The following DISC1 variants were observed in gnomAD, a reference collection of about 807,000 sequenced individuals.
DISC1 encodes the protein DISC1 scaffold protein.
DISC1 carries 57 observed loss-of-function variants against 84.5 expected under a neutral mutation model. The ratio of observed to expected loss-of-function variants is 0.67; its 90% confidence interval spans 0.55 to 0.84. DISC1 has a LOEUF of 0.84. Among genes scored for constraint, DISC1 ranks in the 40% least tolerant of loss-of-function variants. DISC1 has a pLI of 0.00. For missense variants in DISC1, 1,000 were observed against 1,057.8 expected (o/e 0.95, Z 0.76); for synonymous variants, 411 against 415.2 (o/e 0.99, Z 0.12).
chr1:231,724,595 C>T (rs12742252), intron 3 of DISC1, among the ~76,000 whole-genome samples: 1 of 152,174 alleles, frequency 6.6e-6, no homozygotes, highest in African/African-American at 2.4e-5. Context: ...TCTCTCTTTT[C>T]TTCTTCCTTC....
In DISC1 at chr1:232,008,783, A is replaced by G. The variant is rs1335215007; in HGVS notation, c.2043-2A>G. 7.7e-6 allele frequency: 12 copies of G among 1,549,558 alleles called. No homozygotes were observed. Among genetic ancestry groups the G allele is most frequent in the African/African-American group, 6.9e-5 (5 of 72,776 alleles). ...TATGCCTTTGTTTCCTCTCTGTCTC[A>G]GCTGCAAGTGTCCACTGCTTGGGAA... On this transcript the variant is annotated splice_acceptor_variant, in intron 10 of 12. Transcript: ENST00000439617. LOFTEE classifies it high-confidence loss of function.
chr1:231,855,723 G>C (rs1389642155), intron 9 of DISC1, among the ~76,000 whole-genome samples: 2 of 152,098 alleles, frequency 1.3e-5, no homozygotes, highest in African/African-American at 4.8e-5. Context: ...GGGAAGTGAC[G>C]TTTCCCCTTC....
At chr1:231,647,467 C>G (rs952907202) in intron 1 of DISC1, among the ~76,000 whole-genome samples, 1 of 152,142 alleles carries the variant, frequency 6.6e-6, no homozygotes, top group Non-Finnish European at 1.5e-5. Context: ...GTTACTGTAG[C>G]CTTGTAGTAT....
In DISC1 at chr1:231,694,369, G is replaced by T; in HGVS notation, c.611G>T (p.Ser204Ile). 6.2e-7 allele frequency: 1 copy of T among 1,614,244 alleles called. No homozygotes were observed. The highest frequency in any genetic ancestry group is 1.1e-5 in the South Asian group (1 of 91,086). ...EVPPTPPGSHSAFTSSFSFIR... is the reference protein window; with the variant it reads ...EVPPTPPGSHIAFTSSFSFIR... ...CCCCCAACCCCTCCTGGCTCTCACAGTGCCTTTACCTCAAGCTTTAGCTTT... is the reference window on the plus strand; with the variant it reads ...CCCCCAACCCCTCCTGGCTCTCACATTGCCTTTACCTCAAGCTTTAGCTTT... The change falls in exon 2 of 13, where the codon AGT (serine) becomes ATT (isoleucine). Residue 204 changes from serine to isoleucine, a missense_variant. By Grantham distance (142) the Ser-to-Ile change is moderately radical (BLOSUM62 -2). This residue lies in a region of DISC1 where 292 missense variants were observed against 280.2 expected (regional missense o/e 1.04). Transcript: ENST00000439617.
intron 1 of DISC1, among the ~76,000 whole-genome samples, chr1:231,664,469 T>C (rs2061838740): frequency 6.6e-6 from 1 of 152,174 alleles, no homozygotes; most frequent in South Asian, 2.1e-4. Flanking sequence ...TGAGATTAAG[T>C]TAAGGATCTT....
intron 9 of DISC1, among the ~76,000 whole-genome samples, chr1:231,907,853 T>A (rs1395069230): frequency 6.6e-6 from 1 of 152,242 alleles, no homozygotes; most frequent in Non-Finnish European, 1.5e-5. Context: ...CCTGACTTTT[T>A]AATGATCGCC....
chr1:231,721,308 A>C (rs199666988), intron 3 of DISC1, among the ~76,000 whole-genome samples: 15 of 152,226 alleles, frequency 9.9e-5, no homozygotes, highest in Non-Finnish European at 1.8e-4. Flanking sequence ...AAAAAAAGAA[A>C]AAAAGTTTTT....
intron 4 of DISC1, among the ~76,000 whole-genome samples, chr1:231,765,213 A>C (rs950734683): frequency 4.7e-4 from 71 of 151,712 alleles, no homozygotes; most frequent in African/African-American, 1.6e-3. Context: ...AAAAAAAAAA[A>C]AAAAAACTTT....
intron 3 of DISC1, among the ~76,000 whole-genome samples, chr1:231,737,462 G>A (rs1055244164): frequency 1.3e-5 from 2 of 152,184 alleles, no homozygotes; most frequent in Admixed American, 6.5e-5. Flanking sequence ...GCTATAAACT[G>A]AAATCACATT....
intron 9 of DISC1, among the ~76,000 whole-genome samples, chr1:231,841,398 C>T (rs1198920816): frequency 1.3e-5 from 2 of 152,246 alleles, no homozygotes; most frequent in Admixed American, 6.5e-5. Flanking sequence ...TGAATTTCCA[C>T]AGCATTGCGA....
rs190533663 is a variant in DISC1 at position 231,649,727 on chromosome 1, G to T, written c.67+22793G>T. 8.5e-5 allele frequency among the ~76,000 whole-genome samples: 13 copies of T among 152,322 alleles called. No homozygotes were observed. In the East Asian group the frequency reaches 2.5e-3, roughly 29 times the overall value. ...GCAGATCTCTAAAGACTTGCTTTAT[G>T]AATCTGGGTGCTCCTGTGTTGGGTG... On this transcript the variant is annotated intron_variant, in intron 1 of 12. Coordinates refer to ENST00000439617, the MANE Select transcript of DISC1 (RefSeq NM_018662.3).
chr1:231,771,424 T>A, intron 6 of DISC1: 3 of 985,392 alleles, frequency 3.0e-6, no homozygotes, highest in Non-Finnish European at 3.6e-6. Flanking sequence ...AGGACGATCA[T>A]CTGGATGAAC....
At chr1:231,976,956 C>A (rs1402385129) in intron 10 of DISC1, among the ~76,000 whole-genome samples, 1 of 152,078 alleles carries the variant, frequency 6.6e-6, no homozygotes, top group East Asian at 1.9e-4. Flanking sequence ...CTCCCAACAA[C>A]CCAATGAGGG....
At chr1:231,874,908 C>T (rs1474915304) in intron 9 of DISC1, among the ~76,000 whole-genome samples, 1 of 142,614 alleles carries the variant, frequency 7.0e-6, no homozygotes. Context: ...CAGAGTGAGA[C>T]TCCGTCTCAA....
chr1:231,993,022 A>G (rs983543912), intron 10 of DISC1, among the ~76,000 whole-genome samples: 7 of 152,244 alleles, frequency 4.6e-5, no homozygotes, highest in Admixed American at 4.6e-4. Flanking sequence ...TCTTGAGAGT[A>G]CTACAAAATG....
chr1:231,716,866 T>C (rs893999460), intron 3 of DISC1, among the ~76,000 whole-genome samples: 2 of 152,158 alleles, frequency 1.3e-5, no homozygotes, highest in African/African-American at 4.8e-5. Context: ...TGGAATTCCT[T>C]GCTCTGGGTG....
intron 10 of DISC1, among the ~76,000 whole-genome samples, chr1:231,996,167 C>T (rs1308570775): frequency 1.3e-5 from 2 of 152,084 alleles, no homozygotes; most frequent in African/African-American, 4.8e-5. Flanking sequence ...TCATATCCTT[C>T]GTCCACTTTT....
chr1:231,773,479 G>A (rs1204150632), intron 6 of DISC1, among the ~76,000 whole-genome samples: 1 of 152,178 alleles, frequency 6.6e-6, no homozygotes, highest in African/African-American at 2.4e-5. Flanking sequence ...CCGCCTCCCA[G>A]GTTCAAGCGA....
At chr1:231,839,049 A>C (rs2082830824) in intron 9 of DISC1, among the ~76,000 whole-genome samples, 2 of 152,230 alleles carry the variant, frequency 1.3e-5, no homozygotes, top group African/African-American at 4.8e-5. Flanking sequence ...GTATCAAGAC[A>C]GCAGAGATAA....
Sources: gnomAD v4.1 joint callset for allele counts (sites outside exome capture counted in the v4.1 genomes callset) on GRCh38, gnomAD v4.1.1 for gene constraint, gnomAD v4.1.1 regional missense constraint, MANE v1.5 for transcripts, NCBI Gene and HGNC (gene_info 2026-07-23, HGNC 2026-07-21) for gene names.